The following GON4L variants were observed in gnomAD, a reference collection of about 807,000 sequenced individuals.
GON4L encodes gon-4 like.
In GON4L, 87 loss-of-function variants were observed where a neutral mutation model predicts 211.8. The ratio of observed to expected loss-of-function variants is 0.41; its 90% CI spans 0.35 to 0.49. The LOEUF (loss-of-function observed/expected upper bound fraction) is 0.49, where lower values mean the gene tolerates loss of function less well. Ranked by LOEUF, GON4L falls within the 20% of genes least tolerant of loss-of-function variation. The probability of loss-of-function intolerance (pLI) is 0.15; values close to 1 mark genes in which losing one functional copy is unlikely to be tolerated. For missense variants in GON4L, 2,155 were observed against 2,659.5 expected, an observed-to-expected ratio of 0.81 and a Z score of 4.17; for synonymous variants, 875 against 962.6, an observed-to-expected ratio of 0.91 and a Z score of 1.68.
At chr1:155,767,111 T>C (rs1342933371) in intron 20 of GON4L, 1 of 647,930 alleles carries the variant, frequency 1.5e-6, no homozygotes, top group Non-Finnish European at 2.6e-6. Context: ...TTAGAGACCT[T>C]AGACAGTCTC....
At chr1:155,748,634 C>T (rs1660349133), downstream of GON4L, 2 of 1,613,198 alleles carry the variant, frequency 1.2e-6, no homozygotes, top group Non-Finnish European at 1.7e-6. Flanking sequence ...TCATCCCTTT[C>T]CCCTTGGCTC....
chr1:155,813,505 T>A, intron 10 of GON4L, 129 bp downstream of exon 10: 1 of 754,996 alleles, frequency 1.3e-6, no homozygotes, highest in South Asian at 1.5e-5. Flanking sequence ...ACTAGCCAAA[T>A]ACAAAGTATC....
intron 23 of GON4L, among the ~76,000 whole-genome samples, chr1:155,760,985 C>T (rs1661724639): frequency 6.6e-6 from 1 of 152,104 alleles, no homozygotes; most frequent in Non-Finnish European, 1.5e-5. Flanking sequence ...ACATGTATTT[C>T]AGCATGGGCG....
At chr1:155,847,324 T>C (rs1341065423) in intron 2 of GON4L, among the ~76,000 whole-genome samples, 2 of 152,028 alleles carry the variant, frequency 1.3e-5, no homozygotes, top group Non-Finnish European at 2.9e-5. Context: ...CCCAGCACTT[T>C]GGGAGGCTGA....
At chr1:155,822,237 C>T in intron 4 of GON4L, 49 bp downstream of exon 4, 1 of 1,440,224 alleles carries the variant, frequency 6.9e-7, no homozygotes, top group Non-Finnish European at 9.8e-7. Flanking sequence ...TATATGCTTT[C>T]CATGAAAAAG....
chr1:155,794,593 A>C (rs1002835155), intron 12 of GON4L, among the ~76,000 whole-genome samples: 2 of 152,144 alleles, frequency 1.3e-5, no homozygotes, highest in African/African-American at 2.4e-5. Context: ...CCTCCTTCAA[A>C]ACTAAGATAA....
In GON4L at chr1:155,765,530, T is replaced by G. The variant is rs1375354376; in HGVS notation, c.3943A>C (p.Asn1315His). The G allele has an allele frequency of 2.5e-6, 4 of 1,614,048 alleles. No homozygotes were observed. The African/African-American group carries it at 5.3e-5, about 22-fold the overall frequency. ...LPQGIQESLN[N>H]PTPGDLEEIV... is the part of the protein sequence containing the mutation. ...TCCTCTAAATCCCCAGGGGTAGGGT[T>G]GTTTAGAGACTCCTGGATGCCCTGA... Residue 1315 changes from asparagine (N) to histidine (H), a missense_variant, in exon 21 of 32, where the codon AAC becomes CAC. Around this residue, in one of 6 missense-constraint regions of GON4L, gnomAD observed 615 missense variants for 625.7 expected, o/e 0.98. Transcript: ENST00000368331.
intron 2 of GON4L, chr1:155,831,660 G>A (rs1669784683): frequency 6.6e-6 from 1 of 151,482 alleles, no homozygotes; most frequent in South Asian, 2.1e-4. Context: ...TTTCTATGCT[G>A]GGCAACTTAT....
At chr1:155,824,434 C>CAAAAAAAAAAAAA (rs769823401) in intron 3 of GON4L, among the ~76,000 whole-genome samples, 1 of 7,440 alleles carries the variant, frequency 1.3e-4, no homozygotes, top group Non-Finnish European at 2.6e-4. Flanking sequence ...AACTCCACAT[C>CAAAAAAAAAAAAA]AAAAAAAAAA....
intron 27 of GON4L, 187 bp downstream of exon 27, chr1:155,756,771 A>G: frequency 1.8e-6 from 1 of 554,172 alleles, no homozygotes; most frequent in Non-Finnish European, 3.2e-6. Context: ...CTAAAAATAC[A>G]AAAATTTGCT....
At chr1:155,809,035 A>T (rs1667433370) in intron 10 of GON4L, among the ~76,000 whole-genome samples, 1 of 151,956 alleles carries the variant, frequency 6.6e-6, no homozygotes, top group African/African-American at 2.4e-5. Context: ...TGCTTCAGCC[A>T]CCAAGCAGCT....
chr1:155,785,139 C>T (rs1051231172), intron 13 of GON4L, 195 bp downstream of exon 13: 18 of 680,678 alleles, frequency 2.6e-5, no homozygotes, highest in Middle Eastern at 2.4e-4. Context: ...ATAAGAACAA[C>T]ATACATGTAT....
At chr1:155,776,257 A>G in intron 16 of GON4L, 138 bp downstream of exon 16, 1 of 746,096 alleles carries the variant, frequency 1.3e-6, no homozygotes, top group Non-Finnish European at 2.4e-6. Flanking sequence ...AGGAAGCCTT[A>G]ACAGAAAGCA....
chr1:155,785,283 C>G (rs1162775543), intron 13 of GON4L, 51 bp downstream of exon 13: 1 of 1,168,224 alleles, frequency 8.6e-7, no homozygotes, highest in Non-Finnish European at 1.3e-6. Context: ...ACACATCTTG[C>G]TGGAGAACTG....
chr1:155,805,143 T>C lies in GON4L; in HGVS notation c.1453-2A>G. Reference sequence around the variant, plus strand: ...TGCAATGAGACTGTCATCCATGGGCTGGACAATGGAGAAAGAAAAGTCACT... The same window carrying C: ...TGCAATGAGACTGTCATCCATGGGCCGGACAATGGAGAAAGAAAAGTCACT... On this transcript the variant is annotated splice_acceptor_variant, in intron 10 of 31. Coordinates refer to ENST00000368331, the MANE Select transcript of GON4L (RefSeq NM_001282860.2). LOFTEE classifies it high-confidence loss of function. The C allele has an allele frequency of 6.2e-7, 1 of 1,607,046 alleles. No homozygotes were observed. The highest frequency in any genetic ancestry group is 8.5e-7 in the Non-Finnish European group (1 of 1,173,562).
intron 11 of GON4L, among the ~76,000 whole-genome samples, chr1:155,797,681 C>T (rs912525022): frequency 1.3e-4 from 19 of 149,266 alleles, no homozygotes; most frequent in Non-Finnish European, 2.2e-4. Flanking sequence ...CCCCCCCTCC[C>T]GTCTCTACCA....
At chr1:155,748,301 CCT>C (rs762114664), downstream of GON4L, 238 of 1,330,604 alleles carry the variant, frequency 1.8e-4, no homozygotes, top group South Asian at 6.0e-4. Flanking sequence ...CAAACATACC[CCT>C]GATTCATCCC....
At position 155,752,300 on chromosome 1, in the gene GON4L, C is replaced by T. The variant is rs575815223; in HGVS notation, c.6133G>A (p.Val2045Met). 2.7e-5 allele frequency: 43 copies of T among 1,583,442 alleles called. No individual in the cohort carries two copies. The East Asian group carries it at 4.2e-4, about 16-fold the overall frequency. Residue 2045 changes from valine (V) to methionine (M), a missense_variant, in exon 30 of 32, where the codon GTG becomes ATG. Val to Met is a conservative substitution (Grantham distance 21). Transcript: ENST00000368331. ...CTCAGGAAGGAAGCAGGGGGTTCCA[C>T]GGTACCAGGCAATTTCTCAGTTTCT... is the stretch of plus-strand genomic sequence containing the variant. ...ASETEKLPGT[V>M]EPPASFLSPV...
chr1:155,780,246 T>A (rs1373285108), intron 14 of GON4L, among the ~76,000 whole-genome samples: 2 of 152,170 alleles, frequency 1.3e-5, no homozygotes, highest in African/African-American at 4.8e-5. Flanking sequence ...GCTAGAAGAT[T>A]TTTGACTTGT....
Sources: gnomAD v4.1 joint callset for allele counts (sites outside exome capture counted in the v4.1 genomes callset) on GRCh38, gnomAD v4.1.1 for gene constraint, gnomAD v4.1.1 regional missense constraint, MANE v1.5 for transcripts, NCBI Gene and HGNC (gene_info 2026-07-23, HGNC 2026-07-21) for gene names.